Variants in UBE2E2 observed in about 807,000 individuals in gnomAD.
UBE2E2 encodes the protein ubiquitin-conjugating enzyme E2 E2.
Under a neutral mutation model 24.7 loss-of-function variants are expected in UBE2E2, and 6 were observed. The ratio of observed to expected loss-of-function variants is 0.24; its 90% CI spans 0.13 to 0.48. The LOEUF is 0.48. Among genes scored for constraint, UBE2E2 ranks in the 20% least tolerant of loss-of-function variants. UBE2E2 has a pLI of 0.99. For synonymous variants in UBE2E2, 104 were observed against 83.6 expected (o/e 1.24, Z -1.33); for missense variants, 169 against 245.0 (o/e 0.69, Z 2.07).
chr3:23,292,094 G>A (rs547350351), intron 3 of UBE2E2, among the ~76,000 whole-genome samples: 17 of 151,972 alleles, frequency 1.1e-4, no homozygotes, highest in South Asian at 6.2e-4. Context: ...TCCTGACCTC[G>A]TGATTCGCTC....
At chr3:23,250,783 T>C (rs1697553974) in intron 3 of UBE2E2, among the ~76,000 whole-genome samples, 1 of 152,232 alleles carries the variant, frequency 6.6e-6, no homozygotes, top group East Asian at 1.9e-4. Flanking sequence ...CTTGGAGTTA[T>C]ATGTCACTTC....
At chr3:23,372,304 G>A (rs996200132) in intron 3 of UBE2E2, among the ~76,000 whole-genome samples, 4 of 151,998 alleles carry the variant, frequency 2.6e-5, no homozygotes, top group South Asian at 2.1e-4. Context: ...CTGGATATAC[G>A]TCTAGTATCA....
chr3:23,554,372 AGGCACAGTGGCT>A (rs1695723392), intron 5 of UBE2E2, among the ~76,000 whole-genome samples: 1 of 152,162 alleles, frequency 6.6e-6, no homozygotes, highest in Non-Finnish European at 1.5e-5. Context: ...AAATTGAGCC[AGGCACAGTGGCT>A]CATGCCTGTA....
chr3:23,230,758 C>T (rs542490952), intron 3 of UBE2E2, among the ~76,000 whole-genome samples: 2 of 150,714 alleles, frequency 1.3e-5, no homozygotes, highest in Admixed American at 1.3e-4. Context: ...TGCACCCTAG[C>T]CTGGGCAGCA....
intron 3 of UBE2E2, among the ~76,000 whole-genome samples, chr3:23,239,859 CA>C (rs1171912528): frequency 1.2e-4 from 19 of 152,174 alleles, no homozygotes; most frequent in African/African-American, 3.6e-4. Flanking sequence ...TACAGAATTA[CA>C]GAATGAATTC....
At chr3:23,505,833 G>A (rs1178423714) in intron 4 of UBE2E2, among the ~76,000 whole-genome samples, 1 of 152,100 alleles carries the variant, frequency 6.6e-6, no homozygotes, top group Non-Finnish European at 1.5e-5. Flanking sequence ...GGGGTCTTCA[G>A]GTTTTCAAAA....
At chr3:23,302,494 C>T (rs1186956443) in intron 3 of UBE2E2, among the ~76,000 whole-genome samples, 1 of 152,198 alleles carries the variant, frequency 6.6e-6, no homozygotes, top group African/African-American at 2.4e-5. Context: ...CAGGAATCTT[C>T]TCTGGTGACC....
intron 5 of UBE2E2, among the ~76,000 whole-genome samples, chr3:23,572,752 A>G (rs1377806638): frequency 6.6e-6 from 1 of 152,216 alleles, no homozygotes; most frequent in Non-Finnish European, 1.5e-5. Context: ...CCCATGCTGT[A>G]TATGTACCAC....
At chr3:23,463,055 T>C (rs1203648643) in intron 3 of UBE2E2, among the ~76,000 whole-genome samples, 1 of 152,160 alleles carries the variant, frequency 6.6e-6, no homozygotes, top group Non-Finnish European at 1.5e-5. Flanking sequence ...TAAGGCCTTA[T>C]GGGTGAGACT....
rs531043344 is a variant in UBE2E2, at chr3:23,481,536, A to G, written c.228-18072A>G. 5.9e-5 allele frequency among the ~76,000 whole-genome samples: 9 copies of G among 152,308 alleles called. No homozygotes were observed. The South Asian group carries it at 1.5e-3, about 25-fold the overall frequency. Reference sequence around the variant, plus strand: ...CTTTTTAATGCTTAGTTCAGTCACAATTAAAGCTCCCCTAATGGTTAGGGA... The same window carrying G: ...CTTTTTAATGCTTAGTTCAGTCACAGTTAAAGCTCCCCTAATGGTTAGGGA... On this transcript the variant is annotated intron_variant, in intron 3 of 5. Coordinates refer to ENST00000396703, the MANE Select transcript of UBE2E2 (RefSeq NM_152653.4).
chr3:23,394,926 C>G (rs888946938), intron 3 of UBE2E2, among the ~76,000 whole-genome samples: 5 of 152,166 alleles, frequency 3.3e-5, no homozygotes, highest in Non-Finnish European at 7.3e-5. Context: ...ATCAGCAAAG[C>G]TATTGAGCCC....
intron 5 of UBE2E2, among the ~76,000 whole-genome samples, chr3:23,563,804 C>G (rs751974954): frequency 6.6e-6 from 1 of 151,590 alleles, no homozygotes; most frequent in Non-Finnish European, 1.5e-5. Flanking sequence ...TATTATTTGC[C>G]CCAAGTAGTT....
Position 23,217,315 on chromosome 3 carries a change from A to G in UBE2E2, c.227+3A>G. 1.2e-6 allele frequency: 2 copies of G among 1,612,100 alleles called. No homozygotes were observed. Among genetic ancestry groups the G allele is most frequent in the Non-Finnish European group, 1.7e-6 (2 of 1,178,582 alleles). On this transcript the variant is annotated splice_donor_region_variant and intron_variant, in intron 3 of 5. Transcript: ENST00000396703. The stretch of plus-strand genomic sequence containing the variant: ...TTGGACCCTCCTCCCAACTGTAGGT[A>G]AGTACTCATGGTTTTTTATTTACTT...
At chr3:23,445,511 G>A (rs1051730180) in intron 3 of UBE2E2, among the ~76,000 whole-genome samples, 5 of 152,118 alleles carry the variant, frequency 3.3e-5, no homozygotes, top group Admixed American at 6.6e-5. Context: ...ATACTGCTCC[G>A]GTTGTTCTCA....
At chr3:23,286,480 G>A (rs1329562923) in intron 3 of UBE2E2, among the ~76,000 whole-genome samples, 1 of 152,008 alleles carries the variant, frequency 6.6e-6, no homozygotes, top group East Asian at 1.9e-4. Flanking sequence ...TTTGTTTCTG[G>A]ATTCTCTATT....
intron 3 of UBE2E2, among the ~76,000 whole-genome samples, chr3:23,297,089 G>T (rs1005067538): frequency 4.6e-5 from 7 of 152,086 alleles, no homozygotes; most frequent in African/African-American, 9.7e-5. Context: ...ATGTGTTTTT[G>T]GGCTGCATAA....
At chr3:23,252,756 C>G (rs919406332) in intron 3 of UBE2E2, among the ~76,000 whole-genome samples, 1 of 152,206 alleles carries the variant, frequency 6.6e-6, no homozygotes, top group Non-Finnish European at 1.5e-5. Context: ...CTCGGTCTCC[C>G]AAAGTGCTGG....
At chr3:23,567,619 C>T (rs114137180) in intron 5 of UBE2E2, among the ~76,000 whole-genome samples, 128 of 152,182 alleles carry the variant, frequency 8.4e-4, no homozygotes, top group African/African-American at 2.9e-3. Context: ...ATGCTCACCA[C>T]GCCAAGTCAG....
rs576406592 is a variant in UBE2E2 at position 23,332,396 on chromosome 3, A to G, written c.227+115084A>G. On this transcript the variant is annotated intron_variant, in intron 3 of 5. Coordinates refer to ENST00000396703, the MANE Select transcript of UBE2E2 (RefSeq NM_152653.4). ...TGGGCTCAAGCAGTCCACCTGCCTC[A>G]ACCCCCACAAGCATGAGCCATTGTA... Among the ~76,000 whole-genome samples the G allele has an allele frequency of 3.3e-5, 5 of 152,268 alleles. No individual in the cohort carries two copies. The East Asian group carries it at 9.7e-4, about 29-fold the overall frequency.
Sources: gnomAD v4.1 joint callset for allele counts (sites outside exome capture counted in the v4.1 genomes callset) on GRCh38, gnomAD v4.1.1 for gene constraint, MANE v1.5 for transcripts, NCBI Gene and HGNC (gene_info 2026-07-23, HGNC 2026-07-21) for gene names.